Variants in SLC6A4 observed in about 807,000 individuals in gnomAD.
SLC6A4 encodes solute carrier family 6 member 4.
A neutral mutation model predicts 73.4 loss-of-function variants in SLC6A4; 22 were observed. The ratio of observed to expected loss-of-function variants is 0.30; its 90% CI spans 0.21 to 0.43. SLC6A4 has a LOEUF of 0.43. Ranked by LOEUF, SLC6A4 falls within the 20% of genes least tolerant of loss-of-function variation. The probability of loss-of-function intolerance (pLI) is 1.00; values close to 1 mark genes in which losing one functional copy is unlikely to be tolerated. For missense variants in SLC6A4, 593 were observed against 808.5 expected (o/e 0.73, Z 3.23); for synonymous variants, 270 against 315.5 (o/e 0.86, Z 1.53).
chr17:30,212,515 T>C (rs1436981681), intron 9 of SLC6A4, among the ~76,000 whole-genome samples: 1 of 152,154 alleles, frequency 6.6e-6, no homozygotes, highest in African/African-American at 2.4e-5. Context: ...GCCTCCTGAG[T>C]AGCTGGGACT....
At chr17:30,206,712 C>CTTTTTTTTTTTTTTTTTTT (rs1056871791) in intron 13 of SLC6A4, among the ~76,000 whole-genome samples, 6 of 80,294 alleles carry the variant, frequency 7.5e-5, no homozygotes, top group Non-Finnish European at 1.2e-4. Context: ...CTTTTCTTTT[C>CTTTTTTTTTTTTTTTTTTT]TTTTTTTTTT....
At chr17:30,218,713 A>G in intron 4 of SLC6A4, 84 bp downstream of exon 4, 1 of 1,465,606 alleles carries the variant, frequency 6.8e-7, no homozygotes, top group Non-Finnish European at 9.5e-7. Flanking sequence ...CTGATTCCAG[A>G]AGAAGGTCCC....
intron 9 of SLC6A4, among the ~76,000 whole-genome samples, chr17:30,212,097 TCTTTTTCCACAAAAA>T (rs1906405333): frequency 1.3e-5 from 2 of 152,234 alleles, no homozygotes; most frequent in South Asian, 4.1e-4. Flanking sequence ...GTTGCTCTTT[TCTTTTTCCACAAAAA>T]CTTCACGGTA....
chr17:30,207,562 A>AT (rs1906247034), intron 13 of SLC6A4, among the ~76,000 whole-genome samples, 170 bp downstream of exon 13: 2 of 151,666 alleles, frequency 1.3e-5, no homozygotes, highest in South Asian at 4.2e-4. Context: ...TAATTTTTGT[A>AT]TTTTTTTAAG....
At chr17:30,210,792 G>C in intron 10 of SLC6A4, 146 bp from the exon 11 acceptor site, 1 of 798,946 alleles carries the variant, frequency 1.3e-6, no homozygotes, top group South Asian at 1.9e-5. Context: ...GACCATGTAA[G>C]CATCTCAAAG....
chr17:30,203,498 C>CCCAAGTTGAACTTGGGTA, intron 13 of SLC6A4, 159 bp from the exon 14 acceptor site: 1 of 645,014 alleles, frequency 1.6e-6, no homozygotes, highest in Middle Eastern at 4.3e-4. Context: ...CACAGAATTA[C>CCCAAGTTGAACTTGGGTA]CAACTTCTGT....
rs1269806562 is a variant in SLC6A4, at chr17:30,198,118, CAA to C, written c.*336_*337del. 3.9e-6 allele frequency: 1 copy of C among 253,334 alleles called. No homozygotes were observed. Among genetic ancestry groups the C allele is most frequent in the Non-Finnish European group, 7.5e-6 (1 of 133,882 alleles). The allele number at this position is 253,334 out of a possible 1,614,324, so 15.7% of individuals were successfully genotyped here. A position where few individuals can be genotyped will look rare whatever the true frequency, so the allele number is the denominator to read the frequency against. On this transcript the variant is annotated 3_prime_UTR_variant, in exon 15 of 15. Coordinates refer to ENST00000650711, the MANE Select transcript of SLC6A4 (RefSeq NM_001045.6). ...AGATATCAGATACCAATGATCATACCAAGAAATGATACAGGAGACTTTCACAG... is the reference window on the plus strand; with the variant it reads ...AGATATCAGATACCAATGATCATACCGAAATGATACAGGAGACTTTCACAG...
rs1555591454 is a variant in SLC6A4 at position 30,230,098 on chromosome 17, G to GAAGAAGAAGAAGAAGAAGAA, written c.-221+5514_-221+5515insTTCTTCTTCTTCTTCTTCTT. Among the ~76,000 whole-genome samples the GAAGAAGAAGAAGAAGAAGAA allele has an allele frequency of 1.6e-3, 141 of 89,566 alleles. 1 individual carries two copies. The highest frequency in any genetic ancestry group is 3.8e-3 in the African/African-American group (83 of 22,070). The allele number at this position is 89,566 out of a possible 152,430, so 58.8% of individuals were successfully genotyped here. A position where few individuals can be genotyped will look rare whatever the true frequency, so the allele number is the denominator to read the frequency against. On this transcript the variant is annotated intron_variant, in intron 1 of 14. Transcript: ENST00000650711. ...AAGAAGAAGAAGAAGAAGAAGAAGA[G>GAAGAAGAAGAAGAAGAAGAA]GAGGAAGAGGAAGAGGAAGAGGAAG...
At position 30,210,549 on chromosome 17, in the gene SLC6A4, G is replaced by C. The variant is rs777035735; in HGVS notation, c.1415C>G (p.Thr472Ser). The stretch of plus-strand genomic sequence containing the variant: ...GGTGACCAGGGATCCAAAGAAGCAG[G>C]TGATGACCACGGCGAGCACGAACCG... ...RERFVLAVVI[T>S]CFFGSLVTLT... is the part of the protein sequence containing the mutation. The change falls in exon 11 of 15, where the codon ACC becomes AGC. Residue 472 changes from threonine to serine, a missense_variant. Transcript: ENST00000650711. 1.9e-6 allele frequency: 3 copies of C among 1,613,878 alleles called. No individual in the cohort carries two copies. The South Asian group carries it at 3.3e-5, about 18-fold the overall frequency.
intron 1 of SLC6A4, among the ~76,000 whole-genome samples, chr17:30,232,296 G>A (rs952411901): frequency 4.6e-5 from 7 of 152,146 alleles, no homozygotes; most frequent in Non-Finnish European, 2.9e-5. Flanking sequence ...GCTGAGAAGT[G>A]CTCGCCCAGA....
rs750295534 is a variant in SLC6A4 at position 30,203,231 on chromosome 17, T to G, written c.1759A>C (p.Ile587Leu). 2 of 1,613,428 alleles carry G rather than the reference T, an allele frequency of 1.2e-6. No individual in the cohort carries two copies. Among genetic ancestry groups the G allele is most frequent in the Non-Finnish European group, 1.7e-6 (2 of 1,179,604 alleles). The change falls in exon 14 of 15, where the codon ATT (isoleucine) becomes CTT (leucine). Residue 587 changes from isoleucine (I) to leucine (L), a missense_variant. By Grantham distance (5) the Ile-to-Leu change is conservative (BLOSUM62 2). Transcript: ENST00000650711. The stretch of plus-strand genomic sequence containing the variant: ...TAAGCTATATATGTGGGGATGCAAA[T>G]GAAAGATGAGGTTCCTATGCAGTAA... ...LGYCIGTSSF[I>L]CIPTYIAYRL...
At chr17:30,222,684 T>C in intron 2 of SLC6A4, 135 bp downstream of exon 2, 1 of 697,464 alleles carries the variant, frequency 1.4e-6, no homozygotes, top group Non-Finnish European at 2.3e-6. Context: ...CTGTCACTCG[T>C]CTTTTAGCCC....
At chr17:30,212,294 G>A in intron 9 of SLC6A4, among the ~76,000 whole-genome samples, 1 of 152,228 alleles carries the variant, frequency 6.6e-6, no homozygotes, top group East Asian at 1.9e-4. Flanking sequence ...GATTTTGGAG[G>A]CCCCAGAACT....
chr17:30,197,996 T>C lies in SLC6A4; in HGVS notation c.*460A>G, dbSNP rs45530438. The stretch of plus-strand genomic sequence containing the variant: ...AGTAGATTCCAGCAATAAAATTATA[T>C]ATGCTACTCAGAAAATATATGGCTA... On this transcript the variant is annotated 3_prime_UTR_variant, in exon 15 of 15. Coordinates refer to ENST00000650711, the MANE Select transcript of SLC6A4 (RefSeq NM_001045.6). 1.5e-4 allele frequency: 24 copies of C among 158,906 alleles called. No individual in the cohort carries two copies. Among genetic ancestry groups the C allele is most frequent in the Middle Eastern group, 3.1e-3 (1 of 318 alleles). 9.8% of individuals were successfully genotyped at this position (158,906 alleles called of 1,614,324 possible).
In SLC6A4 at chr17:30,215,659, ACC is replaced by A; in HGVS notation, c.1026_1027del (p.Val343ProfsTer6). On this transcript the variant is annotated frameshift_variant, in exon 8 of 15. Transcript: ENST00000650711. LOFTEE classifies it high-confidence loss of function. ...GTTGTAGCTAGCAAAAGCCAGCAGGACCCCAAAGCCCGGACCAAGAGAGAAGA... is the reference window on the plus strand; with the variant it reads ...GTTGTAGCTAGCAAAAGCCAGCAGGACCAAAGCCCGGACCAAGAGAGAAGA... 1 of 1,614,018 alleles carries A rather than the reference ACC, an allele frequency of 6.2e-7. No individual in the cohort carries two copies. The highest frequency in any genetic ancestry group is 8.5e-7 in the Non-Finnish European group (1 of 1,180,004).
intron 12 of SLC6A4, among the ~76,000 whole-genome samples, chr17:30,208,313 A>T (rs1170305533): frequency 6.6e-6 from 1 of 152,188 alleles, no homozygotes; most frequent in African/African-American, 2.4e-5. Flanking sequence ...TGACCATGAC[A>T]CTGGAAACTT....
chr17:30,203,348 GA>G lies in SLC6A4; in HGVS notation c.1651-10del, dbSNP rs758692045. ...AAACTGCAAATGATGAACTAAAACA[GA>G]AATTCCAAGAAACATTAAAAACCTT... On this transcript the variant is annotated splice_polypyrimidine_tract_variant and intron_variant, in intron 13 of 14. Transcript: ENST00000650711. 1 of 1,610,054 alleles carries G rather than the reference GA, an allele frequency of 6.2e-7. No homozygotes were observed. Among genetic ancestry groups the G allele is most frequent in the Non-Finnish European group, 8.5e-7 (1 of 1,178,168 alleles).
At chr17:30,223,790 A>C (rs1906844735) in intron 1 of SLC6A4, among the ~76,000 whole-genome samples, 1 of 152,056 alleles carries the variant, frequency 6.6e-6, no homozygotes, top group Non-Finnish European at 1.5e-5. Context: ...AATTCTGACA[A>C]GAGCGGTCTC....
chr17:30,204,470 A>T (rs1020635306), intron 13 of SLC6A4: 1 of 152,088 alleles, frequency 6.6e-6, no homozygotes, highest in African/African-American at 2.4e-5. Context: ...ATGAAGAAAG[A>T]TGGTTTGGGA....
Sources: allele counts gnomAD v4.1 joint callset (sites outside exome capture counted in the v4.1 genomes callset), GRCh38; gene constraint gnomAD v4.1.1; transcripts MANE v1.5; gene names NCBI Gene and HGNC (gene_info 2026-07-23, HGNC 2026-07-21).